The following VPS13B variants were observed in gnomAD, a reference collection of about 807,000 sequenced individuals.
VPS13B encodes the protein intermembrane lipid transfer protein VPS13B.
A neutral mutation model predicts 426.4 loss-of-function variants in VPS13B; 285 were observed. That is an observed-to-expected ratio of 0.67 (90% CI 0.61 to 0.74). VPS13B has a LOEUF of 0.74. VPS13B is among the 30% of genes least tolerant of loss of function. VPS13B has a pLI of 0.00. For synonymous variants in VPS13B, 1,676 were observed against 1,676.4 expected (o/e 1.00, Z 0.01); for missense variants, 4,537 against 4,782.6 (o/e 0.95, Z 1.51).
At chr8:99,678,642 A>G (rs1158214954) in intron 35 of VPS13B, among the ~76,000 whole-genome samples, 1 of 152,062 alleles carries the variant, frequency 6.6e-6, no homozygotes, top group East Asian at 1.9e-4. Flanking sequence ...TAATGTCCAA[A>G]GGTCTCTCTT....
At chr8:99,792,014 A>G (rs746854995) in intron 43 of VPS13B, among the ~76,000 whole-genome samples, 15 of 152,174 alleles carry the variant, frequency 9.9e-5, no homozygotes, top group African/African-American at 2.7e-4. Context: ...ATGTAGCCCA[A>G]CTGTTCAGCT....
intron 24 of VPS13B, among the ~76,000 whole-genome samples, chr8:99,474,735 C>T (rs1819603615): frequency 6.6e-6 from 1 of 152,106 alleles, no homozygotes; most frequent in Non-Finnish European, 1.5e-5. Context: ...TCATCATACA[C>T]CGCTTGTGAG....
chr8:99,034,790 A>G (rs1431939317), intron 2 of VPS13B, among the ~76,000 whole-genome samples: 1 of 151,972 alleles, frequency 6.6e-6, no homozygotes, highest in Non-Finnish European at 1.5e-5. Context: ...CTGTTTTGTC[A>G]TTGCTTTTTG....
Position 99,868,947 on chromosome 8 carries a change from G to C in VPS13B, c.11392+482G>C, listed in dbSNP as rs770361218. On this transcript the variant is annotated intron_variant, in intron 59 of 61. Coordinates refer to ENST00000357162, the MANE Select transcript of VPS13B (RefSeq NM_152564.5). Reference sequence around the variant, plus strand: ...GCAGCCAGGCTGGGCAGAAACAAAGGGTCTGCAACCAGAAGCCCTTTCACA... The same window carrying C: ...GCAGCCAGGCTGGGCAGAAACAAAGCGTCTGCAACCAGAAGCCCTTTCACA... Among the ~76,000 whole-genome samples the C allele has an allele frequency of 5.9e-5, 9 of 152,270 alleles. 1 individual carries two copies. Among genetic ancestry groups the C allele is most frequent in the South Asian group, 4.2e-4 (2 of 4,818 alleles).
chr8:99,813,185 G>A (rs939754590), intron 44 of VPS13B, among the ~76,000 whole-genome samples: 1 of 152,134 alleles, frequency 6.6e-6, no homozygotes, highest in African/African-American at 2.4e-5. Context: ...ATCTAAAGTA[G>A]CCTTCCCTCC....
At chr8:99,062,535 C>T (rs1844247291) in intron 3 of VPS13B, among the ~76,000 whole-genome samples, 1 of 152,170 alleles carries the variant, frequency 6.6e-6, no homozygotes, top group Admixed American at 6.5e-5. Context: ...TGGGCGTCAT[C>T]TCGGCTCACT....
chr8:99,358,580 C>A (rs1054725748), intron 19 of VPS13B, among the ~76,000 whole-genome samples: 1 of 152,122 alleles, frequency 6.6e-6, no homozygotes, highest in Non-Finnish European at 1.5e-5. Flanking sequence ...TTTCTATACC[C>A]AGTAGTCAAA....
At chr8:99,231,728 A>G (rs1459769948) in intron 17 of VPS13B, among the ~76,000 whole-genome samples, 1 of 152,190 alleles carries the variant, frequency 6.6e-6, no homozygotes, top group Non-Finnish European at 1.5e-5. Flanking sequence ...GTGCTGAGGC[A>G]AAAAACACCT....
At chr8:99,495,490 C>T (rs1267990981) in intron 25 of VPS13B, among the ~76,000 whole-genome samples, 1 of 152,078 alleles carries the variant, frequency 6.6e-6, no homozygotes, top group Non-Finnish European at 1.5e-5. Flanking sequence ...TTCTTTGGCA[C>T]TGTGTAATTT....
chr8:99,040,281 G>A (rs1842916870), intron 3 of VPS13B, among the ~76,000 whole-genome samples: 1 of 152,118 alleles, frequency 6.6e-6, no homozygotes, highest in Admixed American at 6.5e-5. Context: ...CTATGCAGAT[G>A]GCTACTGCAG....
intron 51 of VPS13B, among the ~76,000 whole-genome samples, chr8:99,828,641 T>C (rs1045438946): frequency 6.6e-6 from 1 of 152,060 alleles, no homozygotes; most frequent in Non-Finnish European, 1.5e-5. Context: ...CCTGTCATCA[T>C]GATGCTAGTT....
At chr8:99,279,922 A>G (rs1563644194) in intron 19 of VPS13B, among the ~76,000 whole-genome samples, 2 of 152,096 alleles carry the variant, frequency 1.3e-5, no homozygotes, top group Non-Finnish European at 2.9e-5. Context: ...GGCACCTGTT[A>G]CCATGCCCGG....
chr8:99,770,103 G>A (rs1811405701), intron 40 of VPS13B, among the ~76,000 whole-genome samples: 1 of 152,100 alleles, frequency 6.6e-6, no homozygotes, highest in Non-Finnish European at 1.5e-5. Context: ...AGGCTGCAGT[G>A]AGCCAAGATC....
chr8:99,102,618 G>A lies in VPS13B; in HGVS notation c.413-335G>A, dbSNP rs569102934. 4.6e-5 allele frequency among the ~76,000 whole-genome samples: 7 copies of A among 152,160 alleles called. No individual in the cohort carries two copies. The South Asian group carries it at 1.5e-3, about 32-fold the overall frequency. Reference sequence around the variant, plus strand: ...GGAAAATGTTTATATAATACAATAAGCAAAAATCAAACAAAGTACTTGTAG... The same window carrying A: ...GGAAAATGTTTATATAATACAATAAACAAAAATCAAACAAAGTACTTGTAG... On this transcript the variant is annotated intron_variant, in intron 4 of 61. Coordinates refer to ENST00000357162, the MANE Select transcript of VPS13B (RefSeq NM_152564.5).
intron 55 of VPS13B, among the ~76,000 whole-genome samples, chr8:99,849,729 T>G (rs1816161656): frequency 1.3e-5 from 2 of 152,078 alleles, no homozygotes; most frequent in Non-Finnish European, 2.9e-5. Context: ...TGGCAAAATA[T>G]TCAAAGTAAA....
At chr8:99,140,558 T>C (rs1256694912) in intron 12 of VPS13B, among the ~76,000 whole-genome samples, 1 of 149,718 alleles carries the variant, frequency 6.7e-6, no homozygotes, top group Non-Finnish European at 1.5e-5. Context: ...TTCTCCTCCT[T>C]CTCCTCCTTT....
chr8:99,193,040 A>G lies in VPS13B; in HGVS notation c.2498A>G (p.Glu833Gly), dbSNP rs886841517. The G allele has an allele frequency of 1.2e-6, 2 of 1,613,602 alleles. No homozygotes were observed. The highest frequency in any genetic ancestry group is 2.7e-5 in the African/African-American group (2 of 75,040). ...SSAVIEALIN[E>G]IFLSIGVKSK... ...GCAGTGATTGAAGCTTTGATAAATG[A>G]AATCTTCCTAAGTATAGGTAAGAGC... Residue 833 changes from glutamate (E) to glycine (G), a missense_variant, in exon 17 of 62, where the codon GAA (glutamate) becomes GGA (glycine). Glu to Gly is a moderately conservative substitution (Grantham distance 98). Around this residue, in one of 2 missense-constraint regions of VPS13B, gnomAD observed 4,311 missense variants for 4,474.3 expected, o/e 0.96. Transcript: ENST00000357162.
intron 19 of VPS13B, among the ~76,000 whole-genome samples, chr8:99,294,982 G>A (rs1158952710): frequency 2.0e-5 from 3 of 152,132 alleles, no homozygotes; most frequent in Non-Finnish European, 2.9e-5. Flanking sequence ...CTCCTTTTTA[G>A]TTGATGTGTT....
intron 21 of VPS13B, among the ~76,000 whole-genome samples, chr8:99,401,715 A>G (rs1019167315): frequency 3.9e-5 from 6 of 152,096 alleles, no homozygotes; most frequent in African/African-American, 1.4e-4. Flanking sequence ...AAAGCACAAA[A>G]ATTAACTGGG....
Sources: allele counts gnomAD v4.1 joint callset (sites outside exome capture counted in the v4.1 genomes callset), GRCh38; gene constraint gnomAD v4.1.1; regional missense constraint gnomAD v4.1.1; transcripts MANE v1.5; gene names NCBI Gene and HGNC (gene_info 2026-07-23, HGNC 2026-07-21).